The following PXYLP1 variants were observed in gnomAD, a reference collection of about 807,000 sequenced individuals.
The protein encoded by PXYLP1 is acid phosphatase-like 2.
In PXYLP1, 17 loss-of-function variants were observed where a neutral mutation model predicts 37.9. The observed-to-expected ratio is 0.45, with a 90% CI of 0.31 to 0.67. The LOEUF (loss-of-function observed/expected upper bound fraction) is 0.67. Among genes scored for constraint, PXYLP1 ranks in the 30% least tolerant of loss-of-function variants. The probability of loss-of-function intolerance (pLI) is 0.07; values close to 1 mark genes in which losing one functional copy is unlikely to be tolerated. For missense variants in PXYLP1, 511 were observed against 612.0 expected (o/e 0.84, Z 1.74); for synonymous variants, 221 against 232.2 (o/e 0.95, Z 0.44).
chr3:141,260,355 G>GACA, intron 2 of PXYLP1, 101 bp downstream of exon 2: 1 of 1,338,856 alleles, frequency 7.5e-7, no homozygotes, highest in Non-Finnish European at 1.0e-6. Context: ...TGAGGCTGAA[G>GACA]ACAACGAAGT....
chr3:141,265,563 G>A (rs918625096), intron 2 of PXYLP1, among the ~76,000 whole-genome samples: 4 of 151,990 alleles, frequency 2.6e-5, no homozygotes, highest in Non-Finnish European at 4.4e-5. Flanking sequence ...CCCAATGAAG[G>A]TATTGACCCT....
At chr3:141,270,103 G>C (rs1941624006) in intron 2 of PXYLP1, among the ~76,000 whole-genome samples, 2 of 152,250 alleles carry the variant, frequency 1.3e-5, no homozygotes, top group Admixed American at 1.3e-4. Flanking sequence ...AACTCTGCTG[G>C]AGTTCTCCGG....
chr3:141,279,802 A>G lies in PXYLP1; in HGVS notation c.365+298A>G, dbSNP rs375746637. On this transcript the variant is annotated intron_variant, in intron 4 of 5. Transcript: ENST00000286353. ...ACACAGTACAGTGAGCACTGAGTTAAGAGTCCTCCGCCCCAGCTCACCTGC... is the reference window on the plus strand; with the variant it reads ...ACACAGTACAGTGAGCACTGAGTTAGGAGTCCTCCGCCCCAGCTCACCTGC... Among the ~76,000 whole-genome samples, 36 of 152,318 alleles carry G rather than the reference A, an allele frequency of 2.4e-4. No homozygotes were observed. In the East Asian group the frequency reaches 6.9e-3, roughly 29 times the overall value.
chr3:141,246,949 C>G (rs1940973378), intron 1 of PXYLP1, among the ~76,000 whole-genome samples: 1 of 152,238 alleles, frequency 6.6e-6, no homozygotes, highest in Non-Finnish European at 1.5e-5. Flanking sequence ...AACCCACTAC[C>G]TGTCTCAGCT....
intron 4 of PXYLP1, among the ~76,000 whole-genome samples, chr3:141,286,192 G>A (rs1470690441): frequency 6.6e-6 from 1 of 152,112 alleles, no homozygotes; most frequent in Non-Finnish European, 1.5e-5. Flanking sequence ...ATTATTCAAA[G>A]AAAAGATGTT....
intron 2 of PXYLP1, among the ~76,000 whole-genome samples, chr3:141,272,071 A>C (rs1233557557): frequency 2.6e-5 from 4 of 152,190 alleles, no homozygotes; most frequent in Non-Finnish European, 5.9e-5. Context: ...CCACATATGC[A>C]GGTAGATTTC....
chr3:141,234,227 T>C (rs941105489), intron 1 of PXYLP1: 1 of 152,134 alleles, frequency 6.6e-6, no homozygotes, highest in African/African-American at 2.4e-5. Flanking sequence ...GAGTGCAATC[T>C]ACGGATCAGT....
intron 1 of PXYLP1, among the ~76,000 whole-genome samples, chr3:141,248,526 C>CAT (rs111567225): frequency 6.9e-6 from 1 of 144,736 alleles, no homozygotes; most frequent in Admixed American, 6.8e-5. Flanking sequence ...CACACACACA[C>CAT]GTATATATAT....
intron 1 of PXYLP1, among the ~76,000 whole-genome samples, chr3:141,251,555 G>T (rs1255679263): frequency 6.6e-6 from 1 of 152,222 alleles, no homozygotes; most frequent in African/African-American, 2.4e-5. Flanking sequence ...GAGGAAGGAA[G>T]GAATAGACAC....
At chr3:141,252,263 C>T (rs566676959) in intron 1 of PXYLP1, among the ~76,000 whole-genome samples, 14 of 152,306 alleles carry the variant, frequency 9.2e-5, no homozygotes, top group South Asian at 4.1e-4. Flanking sequence ...GATCAATCTG[C>T]AGCACTGATC....
intron 5 of PXYLP1, among the ~76,000 whole-genome samples, chr3:141,288,830 AG>A (rs1942135759): frequency 6.6e-6 from 1 of 152,222 alleles, no homozygotes; most frequent in South Asian, 2.1e-4. Context: ...CGGGAGGTCA[AG>A]GCTGCAGTGA....
intron 4 of PXYLP1, among the ~76,000 whole-genome samples, chr3:141,282,483 A>AACACAC (rs3069374): frequency 0.056 from 8,192 of 147,528 alleles, 270 homozygotes; most frequent in African/African-American, 0.095. Context: ...AACCCAGACA[A>AACACAC]ACACACACAC....
intron 1 of PXYLP1, among the ~76,000 whole-genome samples, chr3:141,240,090 G>A (rs1332112706): frequency 2.0e-5 from 3 of 152,218 alleles, no homozygotes; most frequent in Non-Finnish European, 2.9e-5. Context: ...GGTGATTGCT[G>A]GTGTTGGTTT....
At position 141,254,710 on chromosome 3, in the gene PXYLP1, G is replaced by A. The variant is rs542645177; in HGVS notation, c.-53-5413G>A. 5.9e-5 allele frequency among the ~76,000 whole-genome samples: 9 copies of A among 151,850 alleles called. No individual in the cohort carries two copies. In the South Asian group the frequency reaches 1.7e-3, roughly 28 times the overall value. ...TTTGTTCACAATTGCAGACTTGAAG[G>A]GTTTTTTTTTTTAATTGTAATGCTG... On this transcript the variant is annotated intron_variant, in intron 1 of 5. Transcript: ENST00000286353.
At chr3:141,241,301 C>T (rs73232933) in intron 1 of PXYLP1, among the ~76,000 whole-genome samples, 16,566 of 152,004 alleles carry the variant, frequency 0.11, 1,045 homozygotes, top group African/African-American at 0.16. Context: ...TGGTGCTCAC[C>T]CTTCCTTTTT....
intron 2 of PXYLP1, chr3:141,273,109 T>C (rs1941708522): frequency 2.0e-6 from 2 of 985,354 alleles, no homozygotes; most frequent in Admixed American, 1.2e-4. Flanking sequence ...CTCCTTATGG[T>C]CCATGTGCTT....
chr3:141,233,430 A>C (rs1418186213), intron 1 of PXYLP1, among the ~76,000 whole-genome samples: 1 of 137,188 alleles, frequency 7.3e-6, no homozygotes, highest in East Asian at 2.2e-4. Flanking sequence ...GCGCCATTGC[A>C]CTCCAGCTTG....
rs775222242 is a variant in PXYLP1, at chr3:141,248,499, A to G, written c.-53-11624A>G. Among the ~76,000 whole-genome samples, 266 of 103,920 alleles carry G rather than the reference A, an allele frequency of 2.6e-3. 1 individual carries two copies. The highest frequency in any genetic ancestry group is 0.012 in the South Asian group (45 of 3,776). 68.2% of individuals were successfully genotyped at this position (103,920 alleles called of 152,430 possible). ...AGGAGCAATATGTGTGCGTGTGTGT[A>G]TATATATATATATACACACACACAC... On this transcript the variant is annotated intron_variant, in intron 1 of 5. Transcript: ENST00000286353.
At chr3:141,269,269 G>C (rs2148785824) in intron 2 of PXYLP1, among the ~76,000 whole-genome samples, 1 of 152,298 alleles carries the variant, frequency 6.6e-6, no homozygotes, top group Admixed American at 6.5e-5. Context: ...AATGTCCTTG[G>C]GCCTGAGTGA....
Sources: allele counts gnomAD v4.1 joint callset (sites outside exome capture counted in the v4.1 genomes callset), GRCh38; gene constraint gnomAD v4.1.1; transcripts MANE v1.5; gene names NCBI Gene and HGNC (gene_info 2026-07-23, HGNC 2026-07-21).